GALNT13: variants seen among roughly 807,000 people sequenced by gnomAD.
The protein encoded by GALNT13 is UDP-GalNAc:polypeptide N-acetylgalactosaminyltransferase 13.
GALNT13 carries 28 observed loss-of-function variants against 64.2 expected under a neutral mutation model. The ratio of observed to expected loss-of-function variants is 0.44; its 90% CI spans 0.32 to 0.60. The LOEUF is 0.60. Among genes scored for constraint, GALNT13 ranks in the 20% least tolerant of loss-of-function variants. The probability of loss-of-function intolerance (pLI) is 0.05; values close to 1 mark genes in which losing one functional copy is unlikely to be tolerated. For synonymous variants in GALNT13, 214 were observed against 224.6 expected, an observed-to-expected ratio of 0.95 and a Z score of 0.42; for missense variants, 577 against 669.8, an observed-to-expected ratio of 0.86 and a Z score of 1.53.
chr2:153,363,819 A>T, the GALNT13 span, among the ~76,000 whole-genome samples: 1 of 152,174 alleles, frequency 6.6e-6, no homozygotes, highest in Non-Finnish European at 1.5e-5. Flanking sequence ...ACAAAGAGGC[A>T]CTGGAACCAT....
intron 3 of GALNT13, among the ~76,000 whole-genome samples, chr2:154,036,832 G>A (rs1404447953): frequency 6.6e-6 from 1 of 151,986 alleles, no homozygotes; most frequent in Non-Finnish European, 1.5e-5. Flanking sequence ...GAATTTTAAA[G>A]AGATATCGAT....
intron 4 of GALNT13, among the ~76,000 whole-genome samples, chr2:154,183,547 CA>C (rs1041545233): frequency 2.0e-5 from 3 of 151,780 alleles, no homozygotes; most frequent in East Asian, 1.9e-4. Flanking sequence ...CCCACCTCTA[CA>C]AAAAAATAAA....
At chr2:154,359,556 C>T (rs893801591) in intron 9 of GALNT13, among the ~76,000 whole-genome samples, 11 of 152,202 alleles carry the variant, frequency 7.2e-5, no homozygotes, top group African/African-American at 2.4e-4. Flanking sequence ...GTGAGACTTA[C>T]GGTCATCTCT....
At chr2:153,564,595 T>G in the GALNT13 span, among the ~76,000 whole-genome samples, 1 of 103,952 alleles carries the variant, frequency 9.6e-6, no homozygotes, top group Non-Finnish European at 1.8e-5. Flanking sequence ...TGAGGATTAG[T>G]TTTTTTTTTT....
At chr2:153,885,317 CT>C (rs1687097850) in intron 1 of GALNT13, among the ~76,000 whole-genome samples, 1 of 151,928 alleles carries the variant, frequency 6.6e-6, no homozygotes, top group Non-Finnish European at 1.5e-5. Flanking sequence ...AAGTTTGATT[CT>C]TTACTTTGTG....
chr2:153,845,855 GA>G, the GALNT13 span, among the ~76,000 whole-genome samples: 1 of 151,798 alleles, frequency 6.6e-6, no homozygotes, highest in African/African-American at 2.4e-5. Context: ...AAGTAAACAG[GA>G]AAAAAATGTG....
the GALNT13 span, among the ~76,000 whole-genome samples, chr2:153,825,861 C>G: frequency 5.3e-5 from 8 of 152,244 alleles, no homozygotes; most frequent in Non-Finnish European, 5.9e-5. Flanking sequence ...TCCACTTCCT[C>G]AAAGTGGTGG....
At chr2:154,231,071 T>C (rs922631018) in intron 4 of GALNT13, among the ~76,000 whole-genome samples, 2 of 152,100 alleles carry the variant, frequency 1.3e-5, no homozygotes, top group African/African-American at 2.4e-5. Context: ...AGGAGCTCAC[T>C]GGCCTTTTTA....
At chr2:153,309,273 A>C in the GALNT13 span, among the ~76,000 whole-genome samples, 197 of 152,304 alleles carry the variant, frequency 1.3e-3, 6 homozygotes, top group East Asian at 0.036. Flanking sequence ...GAGGCACACA[A>C]GTGTACCCTT....
At chr2:153,153,290 C>T in the GALNT13 span, among the ~76,000 whole-genome samples, 1 of 151,802 alleles carries the variant, frequency 6.6e-6, no homozygotes, top group African/African-American at 2.4e-5. Context: ...CTTATAGATG[C>T]TGTATATTAG....
the GALNT13 span, among the ~76,000 whole-genome samples, chr2:153,327,348 A>G: frequency 4.6e-5 from 7 of 152,014 alleles, no homozygotes; most frequent in Admixed American, 2.6e-4. Flanking sequence ...ATGTTGGCCT[A>G]TCTTGCTAGG....
the GALNT13 span, among the ~76,000 whole-genome samples, chr2:153,722,841 C>T: frequency 6.6e-6 from 1 of 151,078 alleles, no homozygotes; most frequent in Non-Finnish European, 1.5e-5. Flanking sequence ...GAGTCCAGGA[C>T]CAGATGGATT....
At chr2:154,141,337 T>G (rs1438282713) in intron 4 of GALNT13, among the ~76,000 whole-genome samples, 1 of 152,164 alleles carries the variant, frequency 6.6e-6, no homozygotes. Context: ...CTTCATAAAG[T>G]CTTGAATTTT....
chr2:153,097,039 T>C, the GALNT13 span, among the ~76,000 whole-genome samples: 1 of 152,182 alleles, frequency 6.6e-6, no homozygotes, highest in Non-Finnish European at 1.5e-5. Context: ...GTTCGTTGTA[T>C]GTTTTTTGGT....
At chr2:153,341,458 ATC>A in the GALNT13 span, among the ~76,000 whole-genome samples, 1 of 152,190 alleles carries the variant, frequency 6.6e-6, no homozygotes, top group South Asian at 2.1e-4. Context: ...CAACTAGAGA[ATC>A]TATTATAGTC....
At chr2:154,112,364 G>C (rs1435639773) in intron 3 of GALNT13, among the ~76,000 whole-genome samples, 1 of 152,196 alleles carries the variant, frequency 6.6e-6, no homozygotes, top group African/African-American at 2.4e-5. Flanking sequence ...GGGGAAAGAG[G>C]CTGAGTGGTG....
chr2:153,903,650 T>G (rs1189852261), intron 2 of GALNT13, among the ~76,000 whole-genome samples: 3 of 152,040 alleles, frequency 2.0e-5, no homozygotes, highest in Non-Finnish European at 4.4e-5. Flanking sequence ...AAAGCTTAAA[T>G]GAGATAAATC....
chr2:153,168,171 A>C, the GALNT13 span, among the ~76,000 whole-genome samples: 1 of 152,226 alleles, frequency 6.6e-6, no homozygotes, highest in African/African-American at 2.4e-5. Flanking sequence ...ATGCTACCTT[A>C]ATTGATCATT....
chr2:153,502,860 G>GT, the GALNT13 span, among the ~76,000 whole-genome samples: 3 of 152,020 alleles, frequency 2.0e-5, no homozygotes, highest in African/African-American at 7.2e-5. Flanking sequence ...ATTTTTTCAT[G>GT]TTTTTTGGCC....
Sources: gnomAD v4.1 joint callset for allele counts (sites outside exome capture counted in the v4.1 genomes callset) on GRCh38, gnomAD v4.1.1 for gene constraint, MANE v1.5 for transcripts, NCBI Gene and HGNC (gene_info 2026-07-23, HGNC 2026-07-21) for gene names.